GUCY1A2: variants seen among roughly 807,000 people sequenced by gnomAD.
GUCY1A2 encodes the protein guanylate cyclase 1 soluble subunit alpha 2, also known as guanylate cyclase soluble subunit alpha-2.
In GUCY1A2, 27 loss-of-function variants were observed where a neutral mutation model predicts 63.5. The observed-to-expected ratio is 0.43, with a 90% CI of 0.31 to 0.59. The LOEUF is 0.59. Ranked by LOEUF, GUCY1A2 falls within the 20% of genes least tolerant of loss-of-function variation. GUCY1A2 has a pLI of 0.11. For missense variants in GUCY1A2, 768 were observed against 913.3 expected (o/e 0.84, Z 2.05); for synonymous variants, 364 against 343.5 (o/e 1.06, Z -0.66).
chr11:106,775,900 C>T (rs1017444528), intron 6 of GUCY1A2, among the ~76,000 whole-genome samples: 1 of 152,082 alleles, frequency 6.6e-6, no homozygotes, highest in Non-Finnish European at 1.5e-5. Context: ...TGCAGAAGAC[C>T]ATCAGACCCA....
chr11:106,786,198 A>C (rs557878859), intron 5 of GUCY1A2, among the ~76,000 whole-genome samples: 104 of 152,356 alleles, frequency 6.8e-4, no homozygotes, highest in African/African-American at 2.3e-3. Flanking sequence ...AACAGGTTTA[A>C]GGATTTACTG....
chr11:106,827,337 A>G (rs966688992), intron 4 of GUCY1A2: 4 of 1,560,020 alleles, frequency 2.6e-6, no homozygotes, highest in East Asian at 4.5e-5. Flanking sequence ...CTGCTCCTGC[A>G]TCGAAGAAAG....
intron 6 of GUCY1A2, among the ~76,000 whole-genome samples, chr11:106,728,569 A>C (rs1863447168): frequency 6.6e-6 from 1 of 152,196 alleles, no homozygotes; most frequent in African/African-American, 2.4e-5. Context: ...GTGAACACTA[A>C]TCTAAAATCA....
At chr11:106,696,949 T>A (rs1862731102) in intron 7 of GUCY1A2, among the ~76,000 whole-genome samples, 1 of 152,196 alleles carries the variant, frequency 6.6e-6, no homozygotes, top group Non-Finnish European at 1.5e-5. Context: ...ATGGCATTAG[T>A]TAAGTCGCTT....
At chr11:106,976,671 C>T (rs1041623380) in intron 3 of GUCY1A2, among the ~76,000 whole-genome samples, 1 of 152,126 alleles carries the variant, frequency 6.6e-6, no homozygotes, top group Non-Finnish European at 1.5e-5. Context: ...CAAGATTGTG[C>T]TTTAAATCTT....
At chr11:106,928,557 A>G (rs1380183299) in intron 4 of GUCY1A2, among the ~76,000 whole-genome samples, 2 of 152,182 alleles carry the variant, frequency 1.3e-5, no homozygotes, top group Non-Finnish European at 2.9e-5. Context: ...TATGATTCAA[A>G]CATAAATACA....
chr11:106,748,587 A>C (rs1279616029), intron 6 of GUCY1A2, among the ~76,000 whole-genome samples: 1 of 152,194 alleles, frequency 6.6e-6, no homozygotes, highest in Non-Finnish European at 1.5e-5. Context: ...GACAGATGAA[A>C]TCTAGAACCA....
intron 5 of GUCY1A2, among the ~76,000 whole-genome samples, chr11:106,787,387 T>G (rs1864574803): frequency 7.4e-6 from 1 of 135,564 alleles, no homozygotes; most frequent in Admixed American, 8.0e-5. Flanking sequence ...TTTCCACAAG[T>G]GAGAACGTGG....
intron 4 of GUCY1A2, among the ~76,000 whole-genome samples, chr11:106,930,626 G>T (rs996710576): frequency 6.6e-5 from 10 of 152,166 alleles, no homozygotes; most frequent in Middle Eastern, 3.2e-3. Flanking sequence ...TGATTCAAAA[G>T]TTGCTATAGG....
chr11:106,973,302 C>CA (rs1352576625), intron 3 of GUCY1A2, among the ~76,000 whole-genome samples: 1 of 151,936 alleles, frequency 6.6e-6, no homozygotes, highest in East Asian at 1.9e-4. Flanking sequence ...GAAATATGAG[C>CA]AAAAAAACTG....
intron 1 of GUCY1A2, among the ~76,000 whole-genome samples, chr11:107,004,313 C>T (rs1473222181): frequency 6.6e-6 from 1 of 152,196 alleles, no homozygotes; most frequent in East Asian, 1.9e-4. Flanking sequence ...AGGCAAGTTA[C>T]TCAACTTCTC....
intron 4 of GUCY1A2, among the ~76,000 whole-genome samples, chr11:106,848,257 G>A (rs1436075359): frequency 6.6e-6 from 1 of 151,572 alleles, no homozygotes; most frequent in Non-Finnish European, 1.5e-5. Context: ...AAAGCCATGA[G>A]CAGAAAATAA....
intron 4 of GUCY1A2, chr11:106,936,541 G>A: frequency 1.8e-6 from 1 of 557,604 alleles, no homozygotes; most frequent in East Asian, 3.0e-5. Context: ...AGAAAATAGG[G>A]AGAGAGAAGA....
chr11:106,848,207 T>C (rs917150484), intron 4 of GUCY1A2, among the ~76,000 whole-genome samples: 7 of 149,186 alleles, frequency 4.7e-5, no homozygotes, highest in South Asian at 2.2e-4. Flanking sequence ...ATTAGAGCTA[T>C]ATAAAAATCA....
intron 2 of GUCY1A2, among the ~76,000 whole-genome samples, chr11:106,980,467 G>A (rs988115166): frequency 1.3e-5 from 2 of 152,138 alleles, no homozygotes; most frequent in South Asian, 2.1e-4. Flanking sequence ...CAATACATCC[G>A]AAGAGAAAGG....
chr11:106,777,138 A>G (rs1864371615), intron 5 of GUCY1A2, among the ~76,000 whole-genome samples: 1 of 152,080 alleles, frequency 6.6e-6, no homozygotes, highest in South Asian at 2.1e-4. Flanking sequence ...TTTTATCTTC[A>G]CAAATATCCT....
At chr11:106,943,882 G>C (rs1170978788) in intron 3 of GUCY1A2, among the ~76,000 whole-genome samples, 1 of 151,978 alleles carries the variant, frequency 6.6e-6, no homozygotes, top group Non-Finnish European at 1.5e-5. Flanking sequence ...TCTCCTCAGA[G>C]AGACAATGTT....
At chr11:106,827,224 C>T (rs1192215566) in intron 4 of GUCY1A2, 2 of 1,532,178 alleles carry the variant, frequency 1.3e-6, no homozygotes, top group Non-Finnish European at 1.8e-6. Flanking sequence ...TTTAGATTTG[C>T]TTCTAGCTTC....
intron 4 of GUCY1A2, among the ~76,000 whole-genome samples, chr11:106,851,189 T>TG (rs369479836): frequency 0.013 from 1,970 of 151,946 alleles, 43 homozygotes; most frequent in African/African-American, 0.045. Context: ...AATGGGTTTT[T>TG]TTTTGTTTTG....
Sources: allele counts gnomAD v4.1 joint callset (sites outside exome capture counted in the v4.1 genomes callset), GRCh38; gene constraint gnomAD v4.1.1; transcripts MANE v1.5; gene names NCBI Gene and HGNC (gene_info 2026-07-23, HGNC 2026-07-21).